The following ANKS1B variants were observed in gnomAD, a reference collection of about 807,000 sequenced individuals.
The protein encoded by ANKS1B is ankyrin repeat and sterile alpha motif domain containing 1B.
A neutral mutation model predicts 148.3 loss-of-function variants in ANKS1B; 36 were observed. The ratio of observed to expected loss-of-function variants is 0.24; its 90% CI spans 0.19 to 0.32. The LOEUF is 0.32. Among genes scored for constraint, ANKS1B ranks in the 10% least tolerant of loss-of-function variants. The probability of loss-of-function intolerance (pLI) is 1.00; values close to 1 mark genes in which losing one functional copy is unlikely to be tolerated. For synonymous variants in ANKS1B, 542 were observed against 560.8 expected (o/e 0.97, Z 0.47); for missense variants, 1,157 against 1,542.6 (o/e 0.75, Z 4.19).
At chr12:99,898,554 C>G (rs1339880613) in intron 1 of ANKS1B, among the ~76,000 whole-genome samples, 1 of 152,174 alleles carries the variant, frequency 6.6e-6, no homozygotes, top group Non-Finnish European at 1.5e-5. Context: ...AAAAAAAGCC[C>G]TGGGTAAGCC....
intron 9 of ANKS1B, among the ~76,000 whole-genome samples, chr12:99,621,730 AC>A (rs1567498304): frequency 6.6e-6 from 1 of 152,150 alleles, no homozygotes; most frequent in Non-Finnish European, 1.5e-5. Context: ...TACACACCCA[AC>A]ATTGAAGCAT....
intron 14 of ANKS1B, among the ~76,000 whole-genome samples, chr12:99,207,387 A>G (rs2082805603): frequency 4.6e-5 from 2 of 43,036 alleles, no homozygotes; most frequent in South Asian, 2.4e-3. Flanking sequence ...GATATTTATG[A>G]AATATCAGTC....
At chr12:98,939,251 T>A (rs546146630) in intron 17 of ANKS1B, among the ~76,000 whole-genome samples, 1 of 152,370 alleles carries the variant, frequency 6.6e-6, no homozygotes, top group East Asian at 1.9e-4. Context: ...TGAATATAGC[T>A]GGTACATAAG....
At chr12:99,129,618 C>T (rs879599598) in intron 15 of ANKS1B, among the ~76,000 whole-genome samples, 2 of 152,126 alleles carry the variant, frequency 1.3e-5, no homozygotes, top group Admixed American at 6.5e-5. Context: ...TGAAATTCAG[C>T]ATGAAAATGG....
At chr12:99,196,595 T>G (rs887714883) in intron 14 of ANKS1B, among the ~76,000 whole-genome samples, 1 of 151,316 alleles carries the variant, frequency 6.6e-6, no homozygotes, top group East Asian at 1.9e-4. Flanking sequence ...TGTTTTTTTT[T>G]GTTTGTTTTT....
At chr12:99,424,622 A>AACACAC (rs200308044) in intron 11 of ANKS1B, among the ~76,000 whole-genome samples, 32 of 147,358 alleles carry the variant, frequency 2.2e-4, no homozygotes, top group Admixed American at 1.2e-3. Flanking sequence ...AGGTAGCAGA[A>AACACAC]ACACACACAC....
chr12:99,576,122 T>G (rs1239409987), intron 9 of ANKS1B, among the ~76,000 whole-genome samples: 3 of 151,952 alleles, frequency 2.0e-5, no homozygotes, highest in Non-Finnish European at 4.4e-5. Flanking sequence ...AAAACAGATT[T>G]TAAACCAACA....
intron 22 of ANKS1B, chr12:98,794,458 G>T: frequency 3.2e-6 from 1 of 309,282 alleles, no homozygotes. Context: ...TTGGCGTTTG[G>T]TCGATGGGGA....
intron 17 of ANKS1B, among the ~76,000 whole-genome samples, chr12:99,044,486 C>G (rs1390814561): frequency 1.3e-5 from 2 of 152,128 alleles, no homozygotes; most frequent in Admixed American, 1.3e-4. Context: ...ATCTCCTGGG[C>G]ATACTGGGAA....
At chr12:99,275,508 C>T (rs1380736951) in intron 12 of ANKS1B, among the ~76,000 whole-genome samples, 1 of 152,200 alleles carries the variant, frequency 6.6e-6, no homozygotes, top group Non-Finnish European at 1.5e-5. Context: ...TGTGTTGTTG[C>T]AAATGACAGG....
intron 19 of ANKS1B, among the ~76,000 whole-genome samples, chr12:98,810,427 G>GT (rs1355069544): frequency 6.6e-6 from 1 of 152,154 alleles, no homozygotes; most frequent in Non-Finnish European, 1.5e-5. Context: ...GAATATATGT[G>GT]TTTAGCTAAT....
At chr12:99,213,884 A>G (rs1481421247) in intron 14 of ANKS1B, among the ~76,000 whole-genome samples, 1 of 152,150 alleles carries the variant, frequency 6.6e-6, no homozygotes, top group African/African-American at 2.4e-5. Context: ...GGCTAGCTCT[A>G]TGTAATTACA....
intron 17 of ANKS1B, among the ~76,000 whole-genome samples, chr12:99,047,364 C>A (rs772075709): frequency 6.6e-6 from 1 of 152,170 alleles, no homozygotes; most frequent in Non-Finnish European, 1.5e-5. Context: ...TGTGCCACTG[C>A]ACTCCAGCCT....
intron 9 of ANKS1B, among the ~76,000 whole-genome samples, chr12:99,654,179 G>C (rs781734377): frequency 2.6e-5 from 4 of 152,092 alleles, no homozygotes; most frequent in African/African-American, 4.8e-5. Context: ...AATTAATATT[G>C]AAATTTGAGG....
At chr12:99,098,794 G>A (rs1382062163) in intron 15 of ANKS1B, among the ~76,000 whole-genome samples, 2 of 150,528 alleles carry the variant, frequency 1.3e-5, no homozygotes, top group African/African-American at 2.5e-5. Context: ...CATTTACTTA[G>A]CTTTGTGGCC....
At chr12:99,522,483 A>G (rs11109892) in intron 9 of ANKS1B, among the ~76,000 whole-genome samples, 6,332 of 152,280 alleles carry the variant, frequency 0.042, 455 homozygotes, top group African/African-American at 0.15. Flanking sequence ...AAAAATAAAT[A>G]TTGGCAATAA....
At chr12:98,905,339 G>A (rs10860379) in intron 17 of ANKS1B, among the ~76,000 whole-genome samples, 56,249 of 152,072 alleles carry the variant, frequency 0.37, 11,629 homozygotes, top group Middle Eastern at 0.54. Context: ...TCAAAGGAAC[G>A]CACCCAACCT....
chr12:99,870,843 T>G (rs2091421168), intron 1 of ANKS1B, among the ~76,000 whole-genome samples: 1 of 152,212 alleles, frequency 6.6e-6, no homozygotes, highest in African/African-American at 2.4e-5. Context: ...ATGTATAGCT[T>G]GTGAATATTT....
At chr12:98,763,955 A>G (rs1321247010) in intron 25 of ANKS1B, among the ~76,000 whole-genome samples, 3 of 152,242 alleles carry the variant, frequency 2.0e-5, no homozygotes, top group African/African-American at 4.8e-5. Context: ...TATTAATAGC[A>G]TTCCAGGTTC....
Sources: allele counts gnomAD v4.1 joint callset (sites outside exome capture counted in the v4.1 genomes callset), GRCh38; gene constraint gnomAD v4.1.1; transcripts MANE v1.5; gene names NCBI Gene and HGNC (gene_info 2026-07-23, HGNC 2026-07-21).